Variants in FBXW2 observed in about 807,000 individuals in gnomAD.
The protein encoded by FBXW2 is F-box and WD repeat domain containing 2.
Under a neutral mutation model 46.0 loss-of-function variants are expected in FBXW2, and 12 were observed. The ratio of observed to expected loss-of-function variants is 0.26; its 90% CI spans 0.17 to 0.42. FBXW2 has a LOEUF of 0.42. Among genes scored for constraint, FBXW2 ranks in the 10% least tolerant of loss-of-function variants. The pLI, the probability that FBXW2 is intolerant of heterozygous loss-of-function variation, is 1.00. For missense variants in FBXW2, 360 were observed against 537.0 expected (o/e 0.67, Z 3.26); for synonymous variants, 203 against 209.6 (o/e 0.97, Z 0.27).
intron 5 of FBXW2, among the ~76,000 whole-genome samples, chr9:120,774,015 A>AC (rs1178490197): frequency 2.0e-5 from 3 of 151,804 alleles, no homozygotes; most frequent in Non-Finnish European, 2.9e-5. Context: ...ACACAGCAAG[A>AC]CCCCCATCTC....
chr9:120,784,766 A>G (rs1347576941), intron 3 of FBXW2, among the ~76,000 whole-genome samples: 1 of 151,826 alleles, frequency 6.6e-6, no homozygotes, highest in Non-Finnish European at 1.5e-5. Context: ...CTAAAAATAC[A>G]AAAATTAGCC....
At chr9:120,768,702 A>G (rs2044318693) in intron 7 of FBXW2, among the ~76,000 whole-genome samples, 1 of 152,072 alleles carries the variant, frequency 6.6e-6, no homozygotes. Flanking sequence ...GGTGCCTTTA[A>G]TTCCAGCTAC....
chr9:120,775,790 C>T (rs185288734), intron 5 of FBXW2, among the ~76,000 whole-genome samples: 2 of 152,320 alleles, frequency 1.3e-5, no homozygotes, highest in Admixed American at 1.3e-4. Flanking sequence ...CATTTTGATG[C>T]ATGAACACAT....
chr9:120,769,353 C>T (rs997381926), intron 7 of FBXW2, among the ~76,000 whole-genome samples: 7 of 152,126 alleles, frequency 4.6e-5, no homozygotes, highest in Non-Finnish European at 8.8e-5. Context: ...AACTCCTACC[C>T]GCAAACAATC....
intron 3 of FBXW2, among the ~76,000 whole-genome samples, chr9:120,785,053 G>A (rs2044691927): frequency 6.6e-6 from 1 of 150,526 alleles, no homozygotes; most frequent in African/African-American, 2.5e-5. Flanking sequence ...GTGTTGCCCA[G>A]GCTGGAGTGC....
At chr9:120,766,007 G>A (rs1388626447) in intron 7 of FBXW2, among the ~76,000 whole-genome samples, 1 of 152,142 alleles carries the variant, frequency 6.6e-6, no homozygotes. Flanking sequence ...AAAAGCTGAT[G>A]TCCTCTTTGG....
rs1311432992 is a variant in FBXW2 at position 120,757,835 on chromosome 9, G to T, written c.*6724C>A. On this transcript the variant is annotated 3_prime_UTR_variant, in exon 8 of 8. Transcript: ENST00000608872. ...TAAATATTCTCTCCAAATGTACTCA[G>T]AACACTTCAGATGTTTACAGGATAT... 1 of 152,172 alleles carries T rather than the reference G, an allele frequency of 6.6e-6. No homozygotes were observed. Among genetic ancestry groups the T allele is most frequent in the African/African-American group, 2.4e-5 (1 of 41,434 alleles). 9.4% of individuals were successfully genotyped at this position (152,172 alleles called of 1,614,324 possible).
intron 5 of FBXW2, among the ~76,000 whole-genome samples, chr9:120,773,205 A>G (rs1189979540): frequency 6.6e-6 from 1 of 151,338 alleles, no homozygotes; most frequent in Non-Finnish European, 1.5e-5. Flanking sequence ...AAAAAAAAAC[A>G]GTCTAAACAT....
rs1189579253 is a variant in FBXW2 at position 120,764,539 on chromosome 9, A to G, written c.*20T>C. On this transcript the variant is annotated 3_prime_UTR_variant, in exon 8 of 8. Transcript: ENST00000608872. The stretch of plus-strand genomic sequence containing the variant: ...GCAGCCCCGGCACCCAAAGTCAGTC[A>G]GCGGTGGTGGCTCATGGTGTCAGCC... 6.3e-7 allele frequency: 1 copy of G among 1,598,866 alleles called. No homozygotes were observed. The highest frequency in any genetic ancestry group is 1.7e-5 in the Admixed American group (1 of 59,418).
intron 4 of FBXW2, among the ~76,000 whole-genome samples, chr9:120,777,199 C>A (rs778675872): frequency 2.0e-5 from 3 of 152,230 alleles, no homozygotes; most frequent in African/African-American, 4.8e-5. Flanking sequence ...CATGGTACAT[C>A]TTAACATTGT....
chr9:120,771,657 C>A, intron 6 of FBXW2, 140 bp from the exon 7 acceptor site: 1 of 672,916 alleles, frequency 1.5e-6, no homozygotes, highest in Non-Finnish European at 2.5e-6. Context: ...CCAAGAATCA[C>A]AGGTTCAAGT....
At chr9:120,785,163 C>A (rs2044694318) in intron 3 of FBXW2, among the ~76,000 whole-genome samples, 1 of 151,802 alleles carries the variant, frequency 6.6e-6, no homozygotes, top group South Asian at 2.1e-4. Flanking sequence ...TGTGAGCCAG[C>A]ACACCCAGCT....
intron 7 of FBXW2, among the ~76,000 whole-genome samples, chr9:120,766,052 G>A (rs940605254): frequency 6.6e-6 from 1 of 152,144 alleles, no homozygotes; most frequent in African/African-American, 2.4e-5. Flanking sequence ...ACAAGCAGTA[G>A]ACAAATACTG....
intron 7 of FBXW2, among the ~76,000 whole-genome samples, chr9:120,770,989 G>C (rs1175405239): frequency 6.6e-6 from 1 of 152,152 alleles, no homozygotes; most frequent in African/African-American, 2.4e-5. Flanking sequence ...AAACAATGCA[G>C]AATTTCAACA....
intron 5 of FBXW2, 131 bp downstream of exon 5, chr9:120,775,962 A>C: frequency 9.4e-7 from 1 of 1,061,268 alleles, no homozygotes. Flanking sequence ...ACTGTTGTGT[A>C]CCATTATGCT....
chr9:120,770,276 T>A (rs1370261626), intron 7 of FBXW2, among the ~76,000 whole-genome samples: 1 of 149,436 alleles, frequency 6.7e-6, no homozygotes, highest in Non-Finnish European at 1.5e-5. Context: ...CTCGGGAGGC[T>A]GGGACAGGAG....
intron 6 of FBXW2, 33 bp from the exon 7 acceptor site, chr9:120,771,550 G>A (rs762079164): frequency 1.9e-6 from 3 of 1,551,204 alleles, no homozygotes; most frequent in African/African-American, 2.7e-5. Context: ...AAAGATGAGA[G>A]ATCACATCAC....
chr9:120,776,101 C>A lies in FBXW2; in HGVS notation c.811G>T (p.Val271Phe), dbSNP rs2044489826. 1 of 1,613,564 alleles carries A rather than the reference C, an allele frequency of 6.2e-7. No homozygotes were observed. The highest frequency in any genetic ancestry group is 1.1e-5 in the South Asian group (1 of 90,978). Residue 271 changes from valine (V) to phenylalanine (F), a missense_variant, in exon 5 of 8, where the codon GTC becomes TTC. By Grantham distance (50) the Val-to-Phe change is conservative. Coordinates refer to ENST00000608872, the MANE Select transcript of FBXW2 (RefSeq NM_012164.4). ...CTTCCAAGTCTTCCTACCTTGGTGACCCATTCCGTGTGCCCGGTGAGTGTG... is the reference window on the plus strand; with the variant it reads ...CTTCCAAGTCTTCCTACCTTGGTGAACCATTCCGTGTGCCCGGTGAGTGTG... ...LNTLTGHTEW[V>F]TKVVLQKCKV...
In FBXW2 at chr9:120,757,856, G is replaced by C. The variant is rs1190479520; in HGVS notation, c.*6703C>G. 2 of 152,190 alleles carry C rather than the reference G, an allele frequency of 1.3e-5. No individual in the cohort carries two copies. Among genetic ancestry groups the C allele is most frequent in the Non-Finnish European group, 2.9e-5 (2 of 68,030 alleles). The allele number at this position is 152,190 out of a possible 1,614,324, so 9.4% of individuals were successfully genotyped here. A position where few individuals can be genotyped will look rare whatever the true frequency, so the allele number is the denominator to read the frequency against. ...CTCAGAACACTTCAGATGTTTACAG[G>C]ATATGGCAGAAGAGGGACGTCTAAG... On this transcript the variant is annotated 3_prime_UTR_variant, in exon 8 of 8. Transcript: ENST00000608872.
Sources: gnomAD v4.1 joint callset for allele counts (sites outside exome capture counted in the v4.1 genomes callset) on GRCh38, gnomAD v4.1.1 for gene constraint, MANE v1.5 for transcripts, NCBI Gene and HGNC (gene_info 2026-07-23, HGNC 2026-07-21) for gene names.